The following ZGRF1 variants were observed in gnomAD, a reference collection of about 807,000 sequenced individuals.
ZGRF1 encodes the protein 5'-3' DNA helicase ZGRF1.
A neutral mutation model predicts 203.5 loss-of-function variants in ZGRF1; 196 were observed. That is an observed-to-expected ratio of 0.96 (90% CI 0.86 to 1.08). The LOEUF is 1.08. Among genes scored for constraint, ZGRF1 ranks in the 50% least tolerant of loss-of-function variants. The pLI is 0.00. For synonymous variants in ZGRF1, 809 were observed against 841.3 expected (o/e 0.96, Z 0.66); for missense variants, 2,326 against 2,416.3 (o/e 0.96, Z 0.78).
At chr4:112,552,606 G>C (rs1740176632) in intron 22 of ZGRF1, among the ~76,000 whole-genome samples, 1 of 152,188 alleles carries the variant, frequency 6.6e-6, no homozygotes, top group South Asian at 2.1e-4. Context: ...GTTAAGAAGA[G>C]AGTATAGAGT....
chr4:112,585,005 G>A (rs1478068355), intron 14 of ZGRF1, among the ~76,000 whole-genome samples: 1 of 152,148 alleles, frequency 6.6e-6, no homozygotes, highest in East Asian at 1.9e-4. Context: ...TTTCTTTCAG[G>A]CTCATTTCTG....
At chr4:112,548,124 A>G (rs1739169814) in intron 23 of ZGRF1, 129 bp downstream of exon 23, 2 of 725,604 alleles carry the variant, frequency 2.8e-6, no homozygotes, top group Non-Finnish European at 4.3e-6. Flanking sequence ...TATTTTTTGT[A>G]GAAATGGGGA....
chr4:112,555,380 C>T (rs1225144243), intron 20 of ZGRF1, among the ~76,000 whole-genome samples: 1 of 152,184 alleles, frequency 6.6e-6, no homozygotes, highest in Non-Finnish European at 1.5e-5. Context: ...ACAGGTGGAA[C>T]TCAGTGAATA....
rs1207459461 is a variant in ZGRF1, at chr4:112,603,588, T to C, written c.2912A>G (p.Tyr971Cys). The C allele has an allele frequency of 7.4e-6, 12 of 1,613,670 alleles. No homozygotes were observed. In the African/African-American group the frequency reaches 1.1e-4, roughly 14 times the overall value. Residue 971 changes from tyrosine to cysteine, a missense_variant, in exon 10 of 28, where the codon TAT becomes TGT. By Grantham distance (194) the Tyr-to-Cys change is radical. Transcript: ENST00000505019. The part of the protein sequence containing the change: ...GCSQFPDSTE[Y>C]ENFMTETPEL... ...TGGTGTCTCTGTCATAAAGTTTTCA[T>C]ACTCAGTGCTATCTGGAAACTGACT...
chr4:112,622,892 G>A lies in ZGRF1; in HGVS notation c.162+925C>T, dbSNP rs948836437. Among the ~76,000 whole-genome samples the A allele has an allele frequency of 9.9e-5, 15 of 152,186 alleles. 1 individual carries two copies. In the South Asian group the frequency reaches 1.5e-3, roughly 15 times the overall value. On this transcript the variant is annotated intron_variant, in intron 4 of 27. Transcript: ENST00000505019. ...TATATAGGTAAACCCGTGTCATGGC[G>A]GTTTATTATACAGATTATTTCATCA...
intron 10 of ZGRF1, among the ~76,000 whole-genome samples, chr4:112,598,957 G>A (rs1425791093): frequency 6.6e-6 from 1 of 151,918 alleles, no homozygotes; most frequent in African/African-American, 2.4e-5. Context: ...AGGCTAAGGT[G>A]GGGGAATCAC....
At chr4:112,549,983 G>A (rs1378799888) in intron 22 of ZGRF1, among the ~76,000 whole-genome samples, 3 of 152,012 alleles carry the variant, frequency 2.0e-5, no homozygotes, top group Admixed American at 6.5e-5. Context: ...ACGAGGTCAG[G>A]AGATCGAGAC....
At chr4:112,632,713 A>T (rs1448735082) in intron 2 of ZGRF1, among the ~76,000 whole-genome samples, 3 of 152,224 alleles carry the variant, frequency 2.0e-5, no homozygotes, top group Non-Finnish European at 4.4e-5. Flanking sequence ...TACACAAGTT[A>T]TTTGGGGTCA....
chr4:112,612,192 C>T (rs2046707105), intron 7 of ZGRF1, among the ~76,000 whole-genome samples: 1 of 152,156 alleles, frequency 6.6e-6, no homozygotes, highest in Non-Finnish European at 1.5e-5. Context: ...TCTCGAATTC[C>T]TGACCTCAAG....
At chr4:112,603,980 T>TG (rs1441450353) in intron 9 of ZGRF1, among the ~76,000 whole-genome samples, 1 of 152,216 alleles carries the variant, frequency 6.6e-6, no homozygotes, top group African/African-American at 2.4e-5. Flanking sequence ...TCCTGCACTT[T>TG]GGGAGGCCAA....
rs1750314443 is a variant in ZGRF1, at chr4:112,603,635, T to A, written c.2865A>T (p.Gly955=). 2.5e-6 allele frequency: 4 copies of A among 1,614,048 alleles called. No individual in the cohort carries two copies. The highest frequency in any genetic ancestry group is 1.3e-5 in the African/African-American group (1 of 75,064). ...GACTGCATCCTAGCTGTGAGCTGTG[T>A]CCTCTGACCATTACACCACTAGTAG... is the stretch of plus-strand genomic sequence containing the variant. ...GSATSGVMVR[G]HSSQLGCSQF... is the part of the protein sequence containing the mutation. The change falls in exon 10 of 28, where the codon GGA becomes GGT. Residue 955 remains glycine, a synonymous_variant. Transcript: ENST00000505019.
At chr4:112,596,024 C>A (rs991183374) in intron 10 of ZGRF1, among the ~76,000 whole-genome samples, 1 of 152,152 alleles carries the variant, frequency 6.6e-6, no homozygotes, top group African/African-American at 2.4e-5. Context: ...TGTTTTAGAA[C>A]ATTTTTGTAA....
At chr4:112,542,194 T>C (rs1019458783) in intron 24 of ZGRF1, among the ~76,000 whole-genome samples, 1 of 151,944 alleles carries the variant, frequency 6.6e-6, no homozygotes, top group African/African-American at 2.4e-5. Context: ...ATTTAATAAT[T>C]AGCCAAGCAT....
chr4:112,601,976 C>A (rs6834424), intron 10 of ZGRF1, among the ~76,000 whole-genome samples: 152,293 of 152,312 alleles, frequency 1, 76,137 homozygotes, highest in Middle Eastern at 1. Context: ...AGGACGAGGC[C>A]GGCAGATCAC....
In ZGRF1 at chr4:112,623,876, C is replaced by T. The variant is rs764880026; in HGVS notation, c.103G>A (p.Ala35Thr). 56 of 1,552,210 alleles carry T rather than the reference C, an allele frequency of 3.6e-5. No homozygotes were observed. Among genetic ancestry groups the T allele is most frequent in the Non-Finnish European group, 4.9e-5 (55 of 1,131,928 alleles). ...ILKITHLGNK[A>T]ILYDDKGACL... The stretch of plus-strand genomic sequence containing the variant: ...GCTCCTTTGTCATCATATAAAATTG[C>T]CTGTATGAAAACAAAATAAATGTTA... The change falls in exon 4 of 28, where the codon GCA (alanine) becomes ACA (threonine). Residue 35 changes from alanine to threonine, a missense_variant and splice_region_variant. Coordinates refer to ENST00000505019, the MANE Select transcript of ZGRF1 (RefSeq NM_018392.5).
At chr4:112,554,136 T>C (rs1043615797) in intron 21 of ZGRF1, among the ~76,000 whole-genome samples, 154 bp from the exon 22 acceptor site, 4 of 152,040 alleles carry the variant, frequency 2.6e-5, no homozygotes, top group Admixed American at 6.5e-5. Context: ...ATGTGCCATG[T>C]TGGTGTGCTG....
chr4:112,570,642 T>C (rs1342856123), intron 16 of ZGRF1, among the ~76,000 whole-genome samples: 1 of 152,076 alleles, frequency 6.6e-6, no homozygotes, highest in African/African-American at 2.4e-5. Flanking sequence ...ATAAAAATCA[T>C]AATGTCTACC....
At position 112,623,809 on chromosome 4, in the gene ZGRF1, T is replaced by C; in HGVS notation, c.162+8A>G. ...TAACTTAAAAATAAGATAAACACAC[T>C]AAAATACCTCAAGGCATTTAAGAAA... On this transcript the variant is annotated splice_region_variant and intron_variant, in intron 4 of 27. Transcript: ENST00000505019. 1 of 1,483,470 alleles carries C rather than the reference T, an allele frequency of 6.7e-7. No individual in the cohort carries two copies. The highest frequency in any genetic ancestry group is 9.3e-7 in the Non-Finnish European group (1 of 1,072,880). 91.9% of individuals were successfully genotyped at this position (1,483,470 alleles called of 1,614,324 possible).
In ZGRF1 at chr4:112,579,992, T is replaced by C. The variant is rs1159313320; in HGVS notation, c.4438+1671A>G. ...CGATCCTAAGCCAAAAGAACAAAGC[T>C]GGAGGCATCACGCTACCTGACTTCA... On this transcript the variant is annotated intron_variant, in intron 16 of 27. Coordinates refer to ENST00000505019, the MANE Select transcript of ZGRF1 (RefSeq NM_018392.5). Among the ~76,000 whole-genome samples the C allele has an allele frequency of 3.2e-4, 40 of 123,130 alleles. 13 individuals are homozygous for C. The highest frequency in any genetic ancestry group is 4.2e-4 in the Non-Finnish European group (23 of 55,144). The allele number at this position is 123,130 out of a possible 152,430, so 80.8% of individuals were successfully genotyped here.
Sources: gnomAD v4.1 joint callset for allele counts (sites outside exome capture counted in the v4.1 genomes callset) on GRCh38, gnomAD v4.1.1 for gene constraint, MANE v1.5 for transcripts, NCBI Gene and HGNC (gene_info 2026-07-23, HGNC 2026-07-21) for gene names.